CA10: variants seen among roughly 807,000 people sequenced by gnomAD.
CA10 encodes carbonic anhydrase-related protein 10.
In CA10, 14 loss-of-function variants were observed where a neutral mutation model predicts 44.2. The observed-to-expected ratio is 0.32, with a 90% CI of 0.21 to 0.50. CA10 has a LOEUF of 0.50. CA10 is among the 20% of genes least tolerant of loss of function. The pLI is 0.99. For missense variants in CA10, 350 were observed against 409.7 expected (o/e 0.85, Z 1.26); for synonymous variants, 159 against 141.6 (o/e 1.12, Z -0.87).
At chr17:52,099,953 A>G (rs1598214278) in intron 1 of CA10, among the ~76,000 whole-genome samples, 2 of 152,204 alleles carry the variant, frequency 1.3e-5, no homozygotes, top group East Asian at 3.9e-4. Flanking sequence ...GACCTTGATG[A>G]TAGTGGCCCT....
At chr17:52,123,390 G>GTGT (rs767644005) in intron 1 of CA10, among the ~76,000 whole-genome samples, 4 of 151,346 alleles carry the variant, frequency 2.6e-5, no homozygotes, top group Non-Finnish European at 1.5e-5. Context: ...GTGTGTGTGT[G>GTGT]TGTGTGACGT....
At chr17:51,930,233 A>G (rs1292626708) in intron 3 of CA10, among the ~76,000 whole-genome samples, 2 of 128,264 alleles carry the variant, frequency 1.6e-5, no homozygotes. Flanking sequence ...TTCTCTTAAC[A>G]ATAGCTAAAT....
intron 2 of CA10, among the ~76,000 whole-genome samples, chr17:51,982,960 T>G (rs1470723547): frequency 6.6e-6 from 1 of 151,918 alleles, no homozygotes; most frequent in Non-Finnish European, 1.5e-5. Context: ...ATAAAGATAA[T>G]TTCAGCTTAA....
intron 3 of CA10, among the ~76,000 whole-genome samples, chr17:51,919,176 T>A (rs141178930): frequency 5.3e-5 from 8 of 152,192 alleles, no homozygotes; most frequent in Non-Finnish European, 7.3e-5. Context: ...TATTTATTTT[T>A]ATTTTAATTT....
At chr17:51,739,242 C>T (rs1217627463) in intron 4 of CA10, among the ~76,000 whole-genome samples, 2 of 151,970 alleles carry the variant, frequency 1.3e-5, no homozygotes, top group East Asian at 3.9e-4. Context: ...TTAAAAAACA[C>T]AGCTAGTTCA....
At chr17:51,672,976 C>A (rs1227840179) in intron 4 of CA10, among the ~76,000 whole-genome samples, 1 of 152,170 alleles carries the variant, frequency 6.6e-6, no homozygotes, top group Non-Finnish European at 1.5e-5. Flanking sequence ...CCAAGGCATG[C>A]CCAAGAAATG....
chr17:51,850,042 G>T (rs909121248), intron 3 of CA10, among the ~76,000 whole-genome samples: 3 of 152,224 alleles, frequency 2.0e-5, no homozygotes, highest in East Asian at 3.8e-4. Context: ...AAGCAGGGAA[G>T]TCCTGAATGC....
chr17:51,997,615 T>C (rs1257661586), intron 2 of CA10, among the ~76,000 whole-genome samples: 2 of 152,158 alleles, frequency 1.3e-5, no homozygotes, highest in East Asian at 1.9e-4. Context: ...TCTCACACTC[T>C]CCAGGGGATG....
At chr17:52,096,126 A>G (rs1988394710) in intron 1 of CA10, among the ~76,000 whole-genome samples, 1 of 152,174 alleles carries the variant, frequency 6.6e-6, no homozygotes, top group African/African-American at 2.4e-5. Context: ...GCTAGAAAGC[A>G]TGGGTACTAA....
At chr17:51,734,191 T>C (rs7226307) in intron 4 of CA10, among the ~76,000 whole-genome samples, 89,985 of 136,932 alleles carry the variant, frequency 0.66, 28,952 homozygotes, top group East Asian at 0.76. Flanking sequence ...GGGGGGGGGG[T>C]TCCAATGTAA....
intron 2 of CA10, among the ~76,000 whole-genome samples, chr17:51,942,771 C>T (rs1247829288): frequency 6.6e-6 from 1 of 151,976 alleles, no homozygotes; most frequent in Non-Finnish European, 1.5e-5. Flanking sequence ...GTCCATGGTC[C>T]ACAACAGAAT....
intron 1 of CA10, among the ~76,000 whole-genome samples, chr17:52,138,886 A>C (rs966804298): frequency 1.4e-4 from 22 of 152,180 alleles, no homozygotes; most frequent in Non-Finnish European, 7.4e-5. Context: ...ATTTATAACT[A>C]AGGAACCCAG....
At chr17:52,150,316 T>G (rs1989676373) in intron 1 of CA10, among the ~76,000 whole-genome samples, 1 of 152,174 alleles carries the variant, frequency 6.6e-6, no homozygotes, top group Admixed American at 6.5e-5. Flanking sequence ...GTCCCTTCTC[T>G]CTTCTCCTCA....
intron 2 of CA10, among the ~76,000 whole-genome samples, chr17:51,944,816 A>T (rs1452768166): frequency 6.6e-6 from 1 of 152,192 alleles, no homozygotes; most frequent in Non-Finnish European, 1.5e-5. Context: ...CATTTGAAAA[A>T]TAAGACTGCT....
chr17:52,153,265 G>C (rs1234396218), intron 1 of CA10, among the ~76,000 whole-genome samples: 2 of 152,124 alleles, frequency 1.3e-5, no homozygotes, highest in African/African-American at 4.8e-5. Context: ...TGGGAAACTG[G>C]ATTTAAAGAA....
rs181558023 is a variant in CA10, at chr17:51,819,426, T to G, written c.280-71608A>C. ...CCTTACTATGAGATGTCTTGAAGCA[T>G]TAAGCTTTGATGAAATTATGCCCAG... is the stretch of plus-strand genomic sequence containing the variant. On this transcript the variant is annotated intron_variant, in intron 3 of 8. Transcript: ENST00000451037. Among the ~76,000 whole-genome samples the G allele has an allele frequency of 2.1e-4, 32 of 152,268 alleles. No individual in the cohort carries two copies. The East Asian group carries it at 5.4e-3, about 26-fold the overall frequency.
chr17:51,976,314 A>G (rs141639902), intron 2 of CA10, among the ~76,000 whole-genome samples: 3 of 152,312 alleles, frequency 2.0e-5, no homozygotes, highest in African/African-American at 7.2e-5. Context: ...ACCTAATTAA[A>G]ACATTACACA....
intron 3 of CA10, among the ~76,000 whole-genome samples, chr17:51,898,873 T>C (rs1981188457): frequency 6.6e-6 from 1 of 152,064 alleles, no homozygotes; most frequent in Non-Finnish European, 1.5e-5. Context: ...TTTTTTTTAA[T>C]ATTTCTGTGG....
chr17:51,764,651 G>A (rs1905304302), intron 3 of CA10, among the ~76,000 whole-genome samples: 1 of 152,282 alleles, frequency 6.6e-6, no homozygotes, highest in Non-Finnish European at 1.5e-5. Flanking sequence ...CTATGGCTGA[G>A]AGCCTAGGAG....
Sources: gnomAD v4.1 joint callset for allele counts (sites outside exome capture counted in the v4.1 genomes callset) on GRCh38, gnomAD v4.1.1 for gene constraint, MANE v1.5 for transcripts, NCBI Gene and HGNC (gene_info 2026-07-23, HGNC 2026-07-21) for gene names.